Variants in SI observed in about 807,000 individuals in gnomAD.
SI encodes the protein sucrase-isomaltase, intestinal.
SI carries 235 observed loss-of-function variants against 253.3 expected under a neutral mutation model. That is an observed-to-expected ratio of 0.93 (90% CI 0.83 to 1.03). The LOEUF (loss-of-function observed/expected upper bound fraction) is 1.03, where lower values mean the gene tolerates loss of function less well. SI is among the 50% of genes least tolerant of loss of function. The pLI, the probability that SI is intolerant of heterozygous loss-of-function variation, is 0.00. For missense variants in SI, 2,442 were observed against 2,211.1 expected (o/e 1.10, Z -2.09); for synonymous variants, 819 against 712.0 (o/e 1.15, Z -2.39).
chr3:165,001,591 C>A (rs1248948920), intron 37 of SI, among the ~76,000 whole-genome samples: 1 of 151,360 alleles, frequency 6.6e-6, no homozygotes, highest in Non-Finnish European at 1.5e-5. Flanking sequence ...TTTATAGATT[C>A]ATATCTCAAA....
rs1258590956 is a variant in SI, at chr3:165,015,961, A to C, written c.3879T>G (p.Ile1293Met). 1.9e-6 allele frequency: 3 copies of C among 1,609,930 alleles called. No individual in the cohort carries two copies. Among genetic ancestry groups the C allele is most frequent in the Non-Finnish European group, 2.6e-6 (3 of 1,176,466 alleles). ...AACTCCAAGTACTGACCAGGATAAT[A>C]ATGTATCTCATTCCTTCTCCTCTTA... ...DKIRGEGMRYIIILDPAISGN... is the reference protein window; with the variant it reads ...DKIRGEGMRYMIILDPAISGN... The change falls in exon 32 of 48, where the codon ATT (isoleucine) becomes ATG (methionine). Residue 1293 changes from isoleucine to methionine, a missense_variant. Coordinates refer to ENST00000264382, the MANE Select transcript of SI (RefSeq NM_001041.4).
chr3:165,010,545 CT>C, intron 34 of SI, among the ~76,000 whole-genome samples: 1 of 152,136 alleles, frequency 6.6e-6, no homozygotes, highest in East Asian at 1.9e-4. Flanking sequence ...GGATAGAAGG[CT>C]TGGTGGGATT....
the SI span, among the ~76,000 whole-genome samples, chr3:165,084,942 G>A: frequency 1.3e-5 from 2 of 152,044 alleles, no homozygotes; most frequent in Non-Finnish European, 2.9e-5. Context: ...AGCACTGTGA[G>A]GCTTACCTAC....
chr3:165,030,678 C>T (rs1712180047), intron 25 of SI, 34 bp downstream of exon 25: 2 of 1,596,090 alleles, frequency 1.3e-6, no homozygotes, highest in Non-Finnish European at 1.7e-6. Flanking sequence ...TATGTGATAA[C>T]CATATCATGA....
chr3:164,992,901 G>A (rs1440941278), intron 41 of SI, among the ~76,000 whole-genome samples: 1 of 151,534 alleles, frequency 6.6e-6, no homozygotes, highest in African/African-American at 2.4e-5. Flanking sequence ...AATTTGAGAT[G>A]CAAATGGCTA....
At chr3:165,038,097 G>A in intron 20 of SI, 73 bp from the exon 21 acceptor site, 1 of 1,377,498 alleles carries the variant, frequency 7.3e-7, no homozygotes, top group Non-Finnish European at 1.0e-6. Context: ...AGAATTAAAA[G>A]GCATTTTTAT....
At chr3:164,992,112 A>C in intron 43 of SI, 65 bp downstream of exon 43, 2 of 1,319,582 alleles carry the variant, frequency 1.5e-6, no homozygotes, top group Non-Finnish European at 2.2e-6. Flanking sequence ...GTTAATGAAA[A>C]GGCTAGGGCC....
intron 26 of SI, among the ~76,000 whole-genome samples, chr3:165,022,669 G>A (rs929802257): frequency 6.6e-6 from 1 of 150,568 alleles, no homozygotes; most frequent in African/African-American, 2.4e-5. Context: ...AAACAACCAG[G>A]CAATGCTATC....
intron 22 of SI, among the ~76,000 whole-genome samples, chr3:165,033,722 C>G (rs992426736): frequency 6.6e-6 from 1 of 151,388 alleles, no homozygotes; most frequent in South Asian, 2.1e-4. Flanking sequence ...GAAAGCAAAA[C>G]TTACAGTAAA....
chr3:165,002,025 A>G (rs1218463498), intron 37 of SI, among the ~76,000 whole-genome samples: 1 of 151,630 alleles, frequency 6.6e-6, no homozygotes, highest in Non-Finnish European at 1.5e-5. Context: ...TAAAAATTGT[A>G]TATTAAAACA....
At chr3:165,039,492 C>G (rs1712705716) in intron 19 of SI, among the ~76,000 whole-genome samples, 2 of 152,024 alleles carry the variant, frequency 1.3e-5, no homozygotes, top group Non-Finnish European at 2.9e-5. Context: ...CCAACCCACT[C>G]CAGTGTTTCT....
rs1171170017 is a variant in SI, at chr3:165,059,266, C to T, written c.1180G>A (p.Asp394Asn). The T allele has an allele frequency of 1.9e-6, 3 of 1,612,524 alleles. No individual in the cohort carries two copies. The East Asian group carries it at 6.7e-5, about 36-fold the overall frequency. ...TQVTDIDYME[D>N]KKDFTYDQVA... The stretch of plus-strand genomic sequence containing the variant: ...TGATCATAAGTAAAGTCTTTCTTGT[C>T]TTCCATGTAGTCAATATCAGTGACC... Residue 394 changes from aspartate (D) to asparagine (N), a missense_variant, in exon 11 of 48, where the codon GAC (aspartate) becomes AAC (asparagine). Transcript: ENST00000264382.
chr3:165,004,632 C>T (rs562256653), intron 37 of SI, among the ~76,000 whole-genome samples: 1 of 152,200 alleles, frequency 6.6e-6, no homozygotes, highest in African/African-American at 2.4e-5. Flanking sequence ...AAAATCCTGT[C>T]ATTTGCAACG....
chr3:165,017,920 T>G (rs771068734), intron 29 of SI, 47 bp from the exon 30 acceptor site: 1 of 1,578,356 alleles, frequency 6.3e-7, no homozygotes, highest in South Asian at 1.1e-5. Context: ...TATACTAGTT[T>G]ATGAAAAAGT....
intron 13 of SI, among the ~76,000 whole-genome samples, chr3:165,052,268 T>G (rs956410557): frequency 2.0e-5 from 3 of 152,296 alleles, no homozygotes; most frequent in Non-Finnish European, 2.9e-5. Context: ...TACCACTGCA[T>G]TAAATTAAGA....
At chr3:165,026,260 G>A (rs1265377767) in intron 25 of SI, among the ~76,000 whole-genome samples, 3 of 151,254 alleles carry the variant, frequency 2.0e-5, no homozygotes, top group Non-Finnish European at 4.4e-5. Context: ...ATGATAAAAG[G>A]CCTTGTCCAA....
chr3:165,049,030 A>AT, intron 15 of SI, 97 bp downstream of exon 15: 1 of 793,026 alleles, frequency 1.3e-6, no homozygotes, highest in Non-Finnish European at 2.3e-6. Flanking sequence ...TCTTTTTTCA[A>AT]CTTTGCTATT....
chr3:165,032,083 G>GAA (rs1712275392), intron 24 of SI, among the ~76,000 whole-genome samples: 1 of 151,098 alleles, frequency 6.6e-6, no homozygotes, highest in Non-Finnish European at 1.5e-5. Context: ...TATATTTTGA[G>GAA]GACAATGAGA....
chr3:165,060,145 A>G, intron 9 of SI, 118 bp from the exon 10 acceptor site: 1 of 868,024 alleles, frequency 1.2e-6, no homozygotes, highest in Non-Finnish European at 1.8e-6. Context: ...AAGTTTATAT[A>G]ATTTAAACAA....
Sources: allele counts gnomAD v4.1 joint callset (sites outside exome capture counted in the v4.1 genomes callset), GRCh38; gene constraint gnomAD v4.1.1; transcripts MANE v1.5; gene names NCBI Gene and HGNC (gene_info 2026-07-23, HGNC 2026-07-21).